DCAF17: variants seen among roughly 807,000 people sequenced by gnomAD.
DCAF17 encodes the protein DDB1- and CUL4-associated factor 17.
A neutral mutation model predicts 66.0 loss-of-function variants in DCAF17; 48 were observed. That is an observed-to-expected ratio of 0.73 (90% confidence interval 0.58 to 0.92). The LOEUF is 0.92. Ranked by LOEUF, DCAF17 falls within the 40% of genes least tolerant of loss-of-function variation. DCAF17 has a pLI of 0.00. For missense variants in DCAF17, 562 were observed against 622.8 expected (o/e 0.90, Z 1.04); for synonymous variants, 206 against 214.6 (o/e 0.96, Z 0.35).
rs1559298786 is a variant in DCAF17, at chr2:171,483,443, C to CT, written c.*2330dup. The stretch of plus-strand genomic sequence containing the variant: ...TGCATTCTGCATTGCACTCCTGGAT[C>CT]TAAGTTTCTGCATTCTCAGAGCATC... On this transcript the variant is annotated 3_prime_UTR_variant, in exon 14 of 14. Coordinates refer to ENST00000375255, the MANE Select transcript of DCAF17 (RefSeq NM_025000.4). 2.2e-6 allele frequency: 1 copy of CT among 454,000 alleles called. No homozygotes were observed. Among genetic ancestry groups the CT allele is most frequent in the Admixed American group, 2.4e-5 (1 of 42,550 alleles). The allele number at this position is 454,000 out of a possible 1,614,324, so 28.1% of individuals were successfully genotyped here.
chr2:171,461,775 C>T lies in DCAF17; in HGVS notation c.838+3298C>T, dbSNP rs934119744. Among the ~76,000 whole-genome samples, 3 of 152,200 alleles carry T rather than the reference C, an allele frequency of 2.0e-5. No homozygotes were observed. The East Asian group carries it at 5.8e-4, about 29-fold the overall frequency. ...CAGTCAAGATTTAGAATCTTTTCAT[C>T]ATCCCAAAAAGTTCCCCTGTGCTCT... On this transcript the variant is annotated intron_variant, in intron 8 of 13. Coordinates refer to ENST00000375255, the MANE Select transcript of DCAF17 (RefSeq NM_025000.4).
chr2:171,477,104 G>A (rs1696532992), intron 11 of DCAF17, among the ~76,000 whole-genome samples, 154 bp downstream of exon 11: 1 of 152,166 alleles, frequency 6.6e-6, no homozygotes, highest in South Asian at 2.1e-4. Context: ...GCCAGTTTTA[G>A]CCCCATGTAC....
intron 3 of DCAF17, among the ~76,000 whole-genome samples, chr2:171,445,807 T>A (rs1694586891): frequency 1.3e-5 from 2 of 151,986 alleles, no homozygotes; most frequent in Non-Finnish European, 2.9e-5. Flanking sequence ...CTTGGCCTCC[T>A]AAGTAGCTGG....
intron 6 of DCAF17, among the ~76,000 whole-genome samples, chr2:171,454,574 G>A (rs947852520): frequency 5.9e-5 from 9 of 151,942 alleles, no homozygotes; most frequent in Non-Finnish European, 1.3e-4. Flanking sequence ...ATAAGCCACC[G>A]CGCCTGGCCA....
intron 2 of DCAF17, among the ~76,000 whole-genome samples, chr2:171,437,146 C>T (rs1405706427): frequency 6.6e-6 from 1 of 152,118 alleles, no homozygotes; most frequent in Non-Finnish European, 1.5e-5. Context: ...GGTGCCATAT[C>T]TAAGAATCCA....
At chr2:171,475,770 A>C (rs1202410014) in intron 10 of DCAF17, among the ~76,000 whole-genome samples, 1 of 152,244 alleles carries the variant, frequency 6.6e-6, no homozygotes, top group Admixed American at 6.5e-5. Context: ...CTCTTAAAAA[A>C]TAAAAAATAA....
At chr2:171,443,729 C>A in intron 3 of DCAF17, 116 bp downstream of exon 3, 1 of 790,674 alleles carries the variant, frequency 1.3e-6, no homozygotes, top group Non-Finnish European at 2.1e-6. Context: ...ACTCTTGCAT[C>A]TTTAAAGCAA....
At chr2:171,435,676 C>T (rs1693858078) in intron 2 of DCAF17, among the ~76,000 whole-genome samples, 1 of 152,012 alleles carries the variant, frequency 6.6e-6, no homozygotes, top group African/African-American at 2.4e-5. Context: ...AATGCATCCC[C>T]ATATACTCAT....
intron 6 of DCAF17, among the ~76,000 whole-genome samples, chr2:171,454,044 G>A (rs924086120): frequency 2.0e-5 from 3 of 151,910 alleles, no homozygotes; most frequent in Non-Finnish European, 4.4e-5. Context: ...ATTAAGTTAA[G>A]CAGCAGTCCC....
intron 3 of DCAF17, among the ~76,000 whole-genome samples, chr2:171,446,561 A>C (rs532361047): frequency 5.9e-5 from 9 of 152,154 alleles, no homozygotes; most frequent in African/African-American, 1.9e-4. Flanking sequence ...AAAAAAAAAA[A>C]ATCTAGGAGA....
At chr2:171,465,158 A>T (rs1559281240) in intron 8 of DCAF17, among the ~76,000 whole-genome samples, 1 of 151,664 alleles carries the variant, frequency 6.6e-6, no homozygotes, top group Non-Finnish European at 1.5e-5. Flanking sequence ...AGATTGCGCC[A>T]CTGCACTCCA....
At chr2:171,456,041 C>T (rs139157873) in intron 6 of DCAF17, among the ~76,000 whole-genome samples, 193 of 152,188 alleles carry the variant, frequency 1.3e-3, no homozygotes, top group Non-Finnish European at 2.3e-3. Flanking sequence ...TCAATTTTTG[C>T]TTCTGTTGCA....
intron 3 of DCAF17, 44 bp from the exon 4 acceptor site, chr2:171,448,637 A>G: frequency 3.3e-6 from 5 of 1,500,402 alleles, no homozygotes; most frequent in African/African-American, 2.8e-5. Context: ...CAAATTGTTC[A>G]TGGCCAAGCA....
At chr2:171,455,967 G>A (rs967881007) in intron 6 of DCAF17, among the ~76,000 whole-genome samples, 6 of 152,070 alleles carry the variant, frequency 3.9e-5, no homozygotes, top group Non-Finnish European at 7.4e-5. Context: ...TAGGATGTCT[G>A]TTGACTCTGT....
Position 171,434,647 on chromosome 2 carries a change from G to C in DCAF17, c.70G>C (p.Asp24His). 1 of 1,535,264 alleles carries C rather than the reference G, an allele frequency of 6.5e-7. No homozygotes were observed. ...SRRALGCFSR[D>H]AGVVQRTNLG... is the part of the protein sequence containing the mutation. ...CCGGGCGCTGGGCTGCTTCTCGCGC[G>C]ACGCAGGCGTGGTGCAGAGGACCAA... The change falls in exon 1 of 14, where the codon GAC becomes CAC. Residue 24 changes from aspartate (D) to histidine (H), a missense_variant. This residue lies in a region of DCAF17 where 348 missense variants were observed against 355.9 expected (regional missense o/e 0.98). Coordinates refer to ENST00000375255, the MANE Select transcript of DCAF17 (RefSeq NM_025000.4).
chr2:171,476,657 G>A (rs1013376788), intron 10 of DCAF17, among the ~76,000 whole-genome samples: 4 of 152,126 alleles, frequency 2.6e-5, no homozygotes, highest in African/African-American at 7.2e-5. Flanking sequence ...CAGTTCCCAC[G>A]TTTTTCTGTT....
At chr2:171,444,394 C>T (rs778207174) in intron 3 of DCAF17, among the ~76,000 whole-genome samples, 5 of 152,218 alleles carry the variant, frequency 3.3e-5, no homozygotes, top group South Asian at 2.1e-4. Flanking sequence ...GCCGACATGA[C>T]GCCACAAGTG....
At position 171,434,394 on chromosome 2, in the gene DCAF17, C is replaced by T; in HGVS notation, c.-184C>T. 1 of 1,005,216 alleles carries T rather than the reference C, an allele frequency of 9.9e-7. No individual in the cohort carries two copies. Among genetic ancestry groups the T allele is most frequent in the Non-Finnish European group, 1.5e-6 (1 of 668,336 alleles). The allele number at this position is 1,005,216 out of a possible 1,614,324, so 62.3% of individuals were successfully genotyped here. A position where few individuals can be genotyped will look rare whatever the true frequency, so the allele number is the denominator to read the frequency against. On this transcript the variant is annotated 5_prime_UTR_variant, in exon 1 of 14. Coordinates refer to ENST00000375255, the MANE Select transcript of DCAF17 (RefSeq NM_025000.4). ...TCTCTCCGCGCTCTGGCGGTGCAAG[C>T]GGCTCTGCTTTCCCTCGCCCCGCCG...
intron 2 of DCAF17, among the ~76,000 whole-genome samples, chr2:171,436,843 C>T (rs1202818016): frequency 6.0e-5 from 9 of 149,056 alleles, no homozygotes; most frequent in African/African-American, 1.5e-4. Flanking sequence ...GGCGTGATCT[C>T]GGCTCACTGC....
Sources: gnomAD v4.1 joint callset for allele counts (sites outside exome capture counted in the v4.1 genomes callset) on GRCh38, gnomAD v4.1.1 for gene constraint, gnomAD v4.1.1 regional missense constraint, MANE v1.5 for transcripts, NCBI Gene and HGNC (gene_info 2026-07-23, HGNC 2026-07-21) for gene names.